The following GK5 variants were observed in gnomAD, a reference collection of about 807,000 sequenced individuals.
The protein encoded by GK5 is ATP:glycerol 3-phosphotransferase 5.
GK5 carries 39 observed loss-of-function variants against 77.3 expected under a neutral mutation model. The ratio of observed to expected loss-of-function variants is 0.50; its 90% CI spans 0.39 to 0.66. The LOEUF is 0.66. GK5 is among the 30% of genes least tolerant of loss of function. The pLI, the probability that GK5 is intolerant of heterozygous loss-of-function variation, is 0.00. For missense variants in GK5, 487 were observed against 633.8 expected (o/e 0.77, Z 2.49); for synonymous variants, 211 against 208.0 (o/e 1.01, Z -0.13).
At chr3:142,203,301 T>A (rs1209071870) in intron 4 of GK5, among the ~76,000 whole-genome samples, 1 of 152,176 alleles carries the variant, frequency 6.6e-6, no homozygotes, top group East Asian at 1.9e-4. Flanking sequence ...ATGGCAAAAT[T>A]GTTTCACTCA....
At chr3:142,184,880 C>G (rs1046187486) in intron 9 of GK5, 1 of 985,474 alleles carries the variant, frequency 1.0e-6, no homozygotes, top group Non-Finnish European at 1.2e-6. Context: ...TTTAAAGAAC[C>G]CTCTGTCACT....
chr3:142,188,311 C>A (rs543830070), intron 5 of GK5, among the ~76,000 whole-genome samples: 82 of 152,268 alleles, frequency 5.4e-4, no homozygotes, highest in Non-Finnish European at 9.3e-4. Flanking sequence ...GCGGGCGGAT[C>A]ATGAGGTCAG....
intron 10 of GK5, among the ~76,000 whole-genome samples, chr3:142,182,435 C>T (rs1217921458): frequency 6.6e-6 from 1 of 152,096 alleles, no homozygotes; most frequent in East Asian, 1.9e-4. Flanking sequence ...ACCTCTGCCT[C>T]CCCGGTTCAA....
At chr3:142,169,008 C>G (rs1016503007) in intron 15 of GK5, among the ~76,000 whole-genome samples, 30 of 152,192 alleles carry the variant, frequency 2.0e-4, no homozygotes, top group African/African-American at 6.3e-4. Context: ...GCCTAGACCA[C>G]TTGCTTATTA....
chr3:142,212,231 G>T (rs1052142127), intron 3 of GK5, among the ~76,000 whole-genome samples: 1 of 152,068 alleles, frequency 6.6e-6, no homozygotes, highest in South Asian at 2.1e-4. Flanking sequence ...GGGGGATTTT[G>T]GGGGAGGGAA....
In GK5 at chr3:142,171,430, T is replaced by A; in HGVS notation, c.1296A>T (p.Val432=). 2 of 1,477,046 alleles carry A rather than the reference T, an allele frequency of 1.4e-6. No homozygotes were observed. The highest frequency in any genetic ancestry group is 1.3e-5 in the South Asian group (1 of 79,430). 91.5% of individuals were successfully genotyped at this position (1,477,046 alleles called of 1,614,324 possible). A position where few individuals can be genotyped will look rare whatever the true frequency, so the allele number is the denominator to read the frequency against. ...EMMKKEIHIP[V]RKIRADGGVC... ...TAAACTTTACATACCGGATTTTTCT[T>A]ACAGGAATATGAATCTCTTTCTTCA... The change falls in exon 14 of 16, where the codon GTA becomes GTT. Residue 432 remains valine (V), a synonymous_variant. Transcript: ENST00000392993.
chr3:142,169,995 T>C (rs1014293290), intron 15 of GK5, among the ~76,000 whole-genome samples: 4 of 152,078 alleles, frequency 2.6e-5, no homozygotes, highest in African/African-American at 9.7e-5. Context: ...CTTTAATAAG[T>C]GTCACTGAAT....
chr3:142,172,273 A>AT (rs1158365167), intron 13 of GK5, 80 bp downstream of exon 13: 9 of 664,736 alleles, frequency 1.4e-5, no homozygotes, highest in Non-Finnish European at 2.4e-5. Flanking sequence ...AAATTAAGAA[A>AT]TTTTCCATTT....
rs183785934 is a variant in GK5, at chr3:142,196,678, C to A, written c.543+2124G>T. ...GAAGCCTTTATGGTCAGACAACAGA[C>A]TTCGTATAATTTCAACCCCTTTAAA... On this transcript the variant is annotated intron_variant, in intron 5 of 15. Coordinates refer to ENST00000392993, the MANE Select transcript of GK5 (RefSeq NM_001039547.3). Among the ~76,000 whole-genome samples, 96 of 152,236 alleles carry A rather than the reference C, an allele frequency of 6.3e-4. No individual in the cohort carries two copies. In the Middle Eastern group the frequency reaches 0.014, roughly 22 times the overall value.
At position 142,172,669 on chromosome 3, in the gene GK5, T is replaced by C. The variant is rs72997006; in HGVS notation, c.1144-213A>G. Reference sequence around the variant, plus strand: ...CATAGTTACTGTACTTAGCTTCTGTTTGCATTTATGTCAGAAAGAGGAACT... The same window carrying C: ...CATAGTTACTGTACTTAGCTTCTGTCTGCATTTATGTCAGAAAGAGGAACT... On this transcript the variant is annotated intron_variant, in intron 12 of 15. Coordinates refer to ENST00000392993, the MANE Select transcript of GK5 (RefSeq NM_001039547.3). 3.3e-3 allele frequency among the ~76,000 whole-genome samples: 499 copies of C among 152,308 alleles called. 4 individuals are homozygous for C. Among genetic ancestry groups the C allele is most frequent in the African/African-American group, 0.011 (470 of 41,562 alleles).
At chr3:142,169,982 G>A (rs956215759) in intron 15 of GK5, among the ~76,000 whole-genome samples, 19 of 152,078 alleles carry the variant, frequency 1.2e-4, no homozygotes, top group African/African-American at 3.9e-4. Context: ...TCACCTTATT[G>A]TTCTTTAATA....
At position 142,189,094 on chromosome 3, in the gene GK5, C is replaced by T. The variant is rs527857610; in HGVS notation, c.544-1315G>A. On this transcript the variant is annotated intron_variant, in intron 5 of 15. Coordinates refer to ENST00000392993, the MANE Select transcript of GK5 (RefSeq NM_001039547.3). ...CATTCTATAGATAGCTTCCATTTAG[C>T]CATTATCTCACACCATTACTGCCTC... Among the ~76,000 whole-genome samples, 72 of 152,290 alleles carry T rather than the reference C, an allele frequency of 4.7e-4. 1 individual carries two copies. In the South Asian group the frequency reaches 0.011, roughly 22 times the overall value.
chr3:142,210,616 A>G (rs1255774370), intron 3 of GK5, among the ~76,000 whole-genome samples: 1 of 152,252 alleles, frequency 6.6e-6, no homozygotes, highest in Non-Finnish European at 1.5e-5. Context: ...ATGAAAGAAT[A>G]CAAACATTTC....
At chr3:142,173,182 CAGAGTG>C in intron 12 of GK5, 1 of 429,278 alleles carries the variant, frequency 2.3e-6, no homozygotes, top group Non-Finnish European at 4.6e-6. Context: ...GCCTAGGTGA[CAGAGTG>C]AGACAGGGTC....
Position 142,204,584 on chromosome 3 carries a change from C to T in GK5, c.411+111G>A, listed in dbSNP as rs191738764. The T allele has an allele frequency of 7.0e-4, 529 of 758,724 alleles. 3 individuals carry two copies. In the Admixed American group the frequency reaches 8.8e-3, roughly 13 times the overall value. The allele number at this position is 758,724 out of a possible 1,614,324, so 47.0% of individuals were successfully genotyped here. On this transcript the variant is annotated intron_variant, in intron 4 of 15. Transcript: ENST00000392993. Reference sequence around the variant, plus strand: ...ACTTCACTGGAATGGGGAGTGTGTGCGTATGTCTTCTTAATGTCCTAAAAC... The same window carrying T: ...ACTTCACTGGAATGGGGAGTGTGTGTGTATGTCTTCTTAATGTCCTAAAAC...
intron 9 of GK5, chr3:142,185,080 T>C (rs1231612054): frequency 1.0e-6 from 1 of 985,266 alleles, no homozygotes; most frequent in East Asian, 1.1e-4. Flanking sequence ...CTGCTTAAGC[T>C]GCCACAGGAA....
chr3:142,188,507 C>T (rs2063805730), intron 5 of GK5, among the ~76,000 whole-genome samples: 1 of 152,160 alleles, frequency 6.6e-6, no homozygotes, highest in African/African-American at 2.4e-5. Flanking sequence ...GCCTGGGTGG[C>T]AGAGCGAGAC....
intron 15 of GK5, among the ~76,000 whole-genome samples, chr3:142,169,669 CTTT>C (rs71304258): frequency 5.1e-5 from 6 of 116,918 alleles, no homozygotes; most frequent in Admixed American, 9.0e-5. Context: ...CCTTACTGTT[CTTT>C]TTTTTTTTTT....
At chr3:142,196,454 A>C (rs2063934790) in intron 5 of GK5, among the ~76,000 whole-genome samples, 1 of 152,004 alleles carries the variant, frequency 6.6e-6, no homozygotes, top group Non-Finnish European at 1.5e-5. Context: ...ATGTAATATC[A>C]TTTTGCTATA....
Sources: allele counts gnomAD v4.1 joint callset (sites outside exome capture counted in the v4.1 genomes callset), GRCh38; gene constraint gnomAD v4.1.1; transcripts MANE v1.5; gene names NCBI Gene and HGNC (gene_info 2026-07-23, HGNC 2026-07-21).